Variants in ADK observed in about 807,000 individuals in gnomAD.
ADK encodes the protein N6,N6-dimethyladenosine kinase.
Under a neutral mutation model 44.7 loss-of-function variants are expected in ADK, and 24 were observed. The ratio of observed to expected loss-of-function variants is 0.54; its 90% CI spans 0.39 to 0.76. The LOEUF is 0.76. Ranked by LOEUF, ADK falls within the 30% of genes least tolerant of loss-of-function variation. The probability of loss-of-function intolerance (pLI) is 0.00; values close to 1 mark genes in which losing one functional copy is unlikely to be tolerated. For missense variants in ADK, 321 were observed against 425.1 expected, an observed-to-expected ratio of 0.76 and a Z score of 2.15; for synonymous variants, 128 against 142.6, an observed-to-expected ratio of 0.90 and a Z score of 0.73.
chr10:74,373,095 G>A (rs909102274), intron 4 of ADK, among the ~76,000 whole-genome samples: 11 of 151,460 alleles, frequency 7.3e-5, no homozygotes, highest in African/African-American at 2.7e-4. Context: ...TCAATGAAGG[G>A]TACTAGAACA....
chr10:74,608,146 G>T (rs1437399776), intron 9 of ADK, among the ~76,000 whole-genome samples: 1 of 151,508 alleles, frequency 6.6e-6, no homozygotes, highest in African/African-American at 2.4e-5. Flanking sequence ...TTTTTTCAAG[G>T]TTCTTAGCTT....
intron 1 of ADK, among the ~76,000 whole-genome samples, chr10:74,155,330 G>T (rs983411288): frequency 2.6e-5 from 4 of 151,628 alleles, no homozygotes; most frequent in Non-Finnish European, 2.9e-5. Context: ...TAAAAAAAAC[G>T]AAACAAAAAC....
At chr10:74,677,207 T>G (rs369216821) in intron 10 of ADK, among the ~76,000 whole-genome samples, 3 of 152,240 alleles carry the variant, frequency 2.0e-5, no homozygotes, top group African/African-American at 7.2e-5. Flanking sequence ...ATTGCACCCC[T>G]GCACTCCAGG....
chr10:74,429,782 A>G (rs1030972875), intron 6 of ADK, among the ~76,000 whole-genome samples: 1 of 152,186 alleles, frequency 6.6e-6, no homozygotes, highest in Non-Finnish European at 1.5e-5. Flanking sequence ...AAATTCATCT[A>G]TCAGGAGCTT....
chr10:74,424,535 C>CAAAAAAAAAAAAAAAAAAAAAAAAAA (rs57106986), intron 6 of ADK, among the ~76,000 whole-genome samples: 3 of 58,460 alleles, frequency 5.1e-5, no homozygotes, highest in African/African-American at 2.2e-4. Context: ...AACTCCGTCT[C>CAAAAAAAAAAAAAAAAAAAAAAAAAA]AAAAAAAAAA....
At chr10:74,194,898 A>G (rs1260473990) in intron 1 of ADK, among the ~76,000 whole-genome samples, 1 of 152,214 alleles carries the variant, frequency 6.6e-6, no homozygotes, top group Non-Finnish European at 1.5e-5. Context: ...TATTACTGAG[A>G]GGGCTAATCA....
At chr10:74,426,548 G>A (rs1046194987) in intron 6 of ADK, among the ~76,000 whole-genome samples, 6 of 152,168 alleles carry the variant, frequency 3.9e-5, no homozygotes, top group African/African-American at 1.4e-4. Context: ...TAAAGAATGT[G>A]TATGTTCAGG....
chr10:74,566,408 T>C (rs1160301770), intron 7 of ADK, among the ~76,000 whole-genome samples: 1 of 152,014 alleles, frequency 6.6e-6, no homozygotes. Flanking sequence ...GGTCTCACTA[T>C]GTGAGAGGCT....
chr10:74,512,089 A>T (rs1317245007), intron 6 of ADK, among the ~76,000 whole-genome samples: 1 of 152,176 alleles, frequency 6.6e-6, no homozygotes, highest in African/African-American at 2.4e-5. Flanking sequence ...TTCTATTGAT[A>T]GGATATAAGA....
In ADK at chr10:74,415,989, A is replaced by AAT. The variant is rs199804576; in HGVS notation, c.555+17420_555+17421dup. Among the ~76,000 whole-genome samples, 21 of 149,932 alleles carry AAT rather than the reference A, an allele frequency of 1.4e-4. No individual in the cohort carries two copies. The East Asian group carries it at 2.0e-3, about 14-fold the overall frequency. ...TTTTAAGCTTTTGCTCATATATATAAATATATATATACATACATTTATATA... is the reference window on the plus strand; with the variant it reads ...TTTTAAGCTTTTGCTCATATATATAAATATATATATATACATACATTTATATA... On this transcript the variant is annotated intron_variant, in intron 6 of 10. Transcript: ENST00000539909.
intron 6 of ADK, among the ~76,000 whole-genome samples, chr10:74,461,103 C>T (rs1380489771): frequency 6.6e-6 from 1 of 152,000 alleles, no homozygotes; most frequent in African/African-American, 2.4e-5. Flanking sequence ...TAGAGCAAGT[C>T]CTTAGAGTAA....
chr10:74,697,465 A>G (rs904141088), intron 10 of ADK, among the ~76,000 whole-genome samples: 3 of 152,150 alleles, frequency 2.0e-5, no homozygotes, highest in Admixed American at 6.5e-5. Flanking sequence ...TGAGCCCAGG[A>G]GTACAAACAA....
intron 9 of ADK, among the ~76,000 whole-genome samples, chr10:74,639,971 A>G (rs1451850382): frequency 6.6e-6 from 1 of 152,250 alleles, no homozygotes; most frequent in Non-Finnish European, 1.5e-5. Flanking sequence ...ACTTTAAAAA[A>G]CATATCAGTT....
chr10:74,407,121 T>C (rs2132924115), intron 6 of ADK, among the ~76,000 whole-genome samples: 1 of 152,158 alleles, frequency 6.6e-6, no homozygotes, highest in South Asian at 2.1e-4. Context: ...CATGCCTGGC[T>C]AGTTTTTGTA....
chr10:74,518,012 T>C (rs572767429), intron 6 of ADK, among the ~76,000 whole-genome samples: 2 of 152,368 alleles, frequency 1.3e-5, no homozygotes, highest in South Asian at 2.1e-4. Context: ...TTGTTGTAAC[T>C]CATATTTGAT....
At chr10:74,553,153 G>T (rs931132494) in intron 7 of ADK, among the ~76,000 whole-genome samples, 2 of 147,530 alleles carry the variant, frequency 1.4e-5, no homozygotes, top group Non-Finnish European at 3.0e-5. Flanking sequence ...CAGCAAACAG[G>T]CATGTTCATT....
At chr10:74,236,213 A>G (rs1844954363) in intron 3 of ADK, among the ~76,000 whole-genome samples, 1 of 152,236 alleles carries the variant, frequency 6.6e-6, no homozygotes, top group South Asian at 2.1e-4. Flanking sequence ...GACTTGCAAC[A>G]TGGAATTTAG....
intron 1 of ADK, among the ~76,000 whole-genome samples, chr10:74,156,090 G>A (rs1841742326): frequency 1.3e-5 from 2 of 152,060 alleles, no homozygotes; most frequent in Non-Finnish European, 2.9e-5. Flanking sequence ...CAGCGTGAGG[G>A]TGGTAGAGAG....
Position 74,287,675 on chromosome 10 carries a change from ATC to A in ADK, c.195-26990_195-26989del, listed in dbSNP as rs576456970. 2.4e-3 allele frequency among the ~76,000 whole-genome samples: 370 copies of A among 152,238 alleles called. 3 individuals are homozygous for A. The highest frequency in any genetic ancestry group is 3.5e-3 in the Non-Finnish European group (240 of 68,020). ...AAGGGAAAAGAAAATATAAAAATAT[ATC>A]TGTTATAAAATATATTCTGTATAAA... On this transcript the variant is annotated intron_variant, in intron 3 of 10. Coordinates refer to ENST00000539909, the MANE Select transcript of ADK (RefSeq NM_006721.4).
Sources: allele counts gnomAD v4.1 joint callset (sites outside exome capture counted in the v4.1 genomes callset), GRCh38; gene constraint gnomAD v4.1.1; transcripts MANE v1.5; gene names NCBI Gene and HGNC (gene_info 2026-07-23, HGNC 2026-07-21).